Variants in CYP7B1 observed in about 807,000 individuals in gnomAD.
The protein encoded by CYP7B1 is cytochrome P450 7B1.
CYP7B1 carries 29 observed loss-of-function variants against 42.7 expected under a neutral mutation model. The ratio of observed to expected loss-of-function variants is 0.68; its 90% confidence interval spans 0.51 to 0.93. CYP7B1 has a LOEUF of 0.93. Among genes scored for constraint, CYP7B1 ranks in the 40% least tolerant of loss-of-function variants. The probability of loss-of-function intolerance (pLI) is 0.00; values close to 1 mark genes in which losing one functional copy is unlikely to be tolerated. For missense variants in CYP7B1, 655 were observed against 600.5 expected (o/e 1.09, Z -0.95); for synonymous variants, 235 against 218.2 (o/e 1.08, Z -0.68).
intron 1 of CYP7B1, among the ~76,000 whole-genome samples, chr8:64,795,918 T>C (rs76976881): frequency 0.041 from 6,307 of 152,308 alleles, 433 homozygotes; most frequent in African/African-American, 0.14. Context: ...AATTGGTAAG[T>C]GTCTGAAGGG....
intron 1 of CYP7B1, among the ~76,000 whole-genome samples, chr8:64,795,923 G>A (rs569341983): frequency 2.3e-4 from 35 of 152,316 alleles, no homozygotes; most frequent in African/African-American, 8.2e-4. Context: ...GTAAGTGTCT[G>A]AAGGGAACAA....
intron 1 of CYP7B1, among the ~76,000 whole-genome samples, chr8:64,676,335 T>C (rs1420944154): frequency 6.6e-6 from 1 of 152,114 alleles, no homozygotes; most frequent in African/African-American, 2.4e-5. Context: ...ATCTTACGCG[T>C]TAGCACACCC....
intron 1 of CYP7B1, among the ~76,000 whole-genome samples, chr8:64,638,487 AT>A (rs2129630916): frequency 6.6e-6 from 1 of 152,238 alleles, no homozygotes; most frequent in South Asian, 2.1e-4. Context: ...ATTTTTCTTT[AT>A]AGTTTTTTGG....
chr8:64,732,649 C>T (rs568933099), intron 1 of CYP7B1, among the ~76,000 whole-genome samples: 9 of 152,118 alleles, frequency 5.9e-5, no homozygotes, highest in East Asian at 3.9e-4. Context: ...TGTGAGGGGC[C>T]GGGGACAGAA....
chr8:64,686,250 G>A (rs1162795379), intron 1 of CYP7B1, among the ~76,000 whole-genome samples: 1 of 53,796 alleles, frequency 1.9e-5, no homozygotes, highest in Non-Finnish European at 4.2e-5. Flanking sequence ...CCCCCCGCCC[G>A]GCCAGCCGCC....
intron 1 of CYP7B1, among the ~76,000 whole-genome samples, chr8:64,648,786 T>A (rs113422657): frequency 6.6e-5 from 10 of 152,304 alleles, no homozygotes; most frequent in African/African-American, 2.4e-4. Context: ...AAATGCATAT[T>A]GTAATTTCTG....
At chr8:64,715,804 C>G (rs1343262236) in intron 1 of CYP7B1, among the ~76,000 whole-genome samples, 1 of 152,166 alleles carries the variant, frequency 6.6e-6, no homozygotes, top group African/African-American at 2.4e-5. Context: ...TCTTTTAGTT[C>G]TTAACACGGA....
At position 64,702,686 on chromosome 8, in the gene CYP7B1, G is replaced by T. The variant is rs190790318; in HGVS notation, c.123-78147C>A. 1.1e-4 allele frequency among the ~76,000 whole-genome samples: 17 copies of T among 152,162 alleles called. No homozygotes were observed. In the East Asian group the frequency reaches 3.3e-3, roughly 29 times the overall value. ...GCGCTTCATTCCAGCAATAAACAGC[G>T]GTGGTGCTGATAACTGTTCATTGGC... On this transcript the variant is annotated intron_variant, in intron 1 of 5. Coordinates refer to ENST00000310193, the MANE Select transcript of CYP7B1 (RefSeq NM_004820.5).
At chr8:64,771,609 G>A (rs897257657) in intron 1 of CYP7B1, among the ~76,000 whole-genome samples, 5 of 152,160 alleles carry the variant, frequency 3.3e-5, no homozygotes, top group African/African-American at 1.2e-4. Flanking sequence ...AGGTGCAGGG[G>A]TCAATGCCCT....
At chr8:64,737,980 C>T (rs1318698175) in intron 1 of CYP7B1, among the ~76,000 whole-genome samples, 1 of 152,148 alleles carries the variant, frequency 6.6e-6, no homozygotes, top group Non-Finnish European at 1.5e-5. Flanking sequence ...GTTTGTTAGT[C>T]TTTTTGCTTT....
intron 1 of CYP7B1, among the ~76,000 whole-genome samples, chr8:64,643,615 G>A (rs566109116): frequency 6.6e-6 from 1 of 152,240 alleles, no homozygotes; most frequent in South Asian, 2.1e-4. Context: ...TTCCTTTCAT[G>A]AAAGATTTCT....
At chr8:64,771,427 G>C (rs1804226470) in intron 1 of CYP7B1, among the ~76,000 whole-genome samples, 1 of 151,746 alleles carries the variant, frequency 6.6e-6, no homozygotes, top group South Asian at 2.1e-4. Flanking sequence ...GAGTTGTTTG[G>C]AGTCTACACG....
intron 1 of CYP7B1, among the ~76,000 whole-genome samples, chr8:64,788,003 C>T (rs1424126910): frequency 6.6e-6 from 1 of 152,106 alleles, no homozygotes; most frequent in Non-Finnish European, 1.5e-5. Flanking sequence ...ATGAGGGAAA[C>T]CAGCCCCAAG....
intron 1 of CYP7B1, among the ~76,000 whole-genome samples, chr8:64,777,572 A>C (rs1230114603): frequency 6.6e-6 from 1 of 152,124 alleles, no homozygotes; most frequent in Non-Finnish European, 1.5e-5. Flanking sequence ...CAAAAGAAAC[A>C]GCCCGAATCA....
chr8:64,684,956 A>C (rs1806597202), intron 1 of CYP7B1, among the ~76,000 whole-genome samples: 1 of 152,246 alleles, frequency 6.6e-6, no homozygotes, highest in Non-Finnish European at 1.5e-5. Context: ...ATATGGAGAA[A>C]TCAGAGCCTT....
intron 4 of CYP7B1, among the ~76,000 whole-genome samples, chr8:64,610,352 C>T (rs966734769): frequency 7.2e-5 from 11 of 152,148 alleles, no homozygotes; most frequent in African/African-American, 2.7e-4. Context: ...ATGCTTCACC[C>T]ACTTCCTCCA....
chr8:64,615,468 G>T (rs1381501760), intron 3 of CYP7B1, among the ~76,000 whole-genome samples: 1 of 149,894 alleles, frequency 6.7e-6, no homozygotes, highest in Non-Finnish European at 1.5e-5. Context: ...ATGCAGCTTA[G>T]TTATACTCTT....
chr8:64,627,170 G>A (rs1056825779), intron 1 of CYP7B1, among the ~76,000 whole-genome samples: 2 of 152,184 alleles, frequency 1.3e-5, no homozygotes, highest in African/African-American at 4.8e-5. Flanking sequence ...AAGAAACACT[G>A]CATAGAGATG....
chr8:64,702,661 G>C (rs1336849121), intron 1 of CYP7B1, among the ~76,000 whole-genome samples: 1 of 152,054 alleles, frequency 6.6e-6, no homozygotes, highest in Non-Finnish European at 1.5e-5. Context: ...ACTGACAAGC[G>C]CGCTTCATTC....
Sources: gnomAD v4.1 joint callset for allele counts (sites outside exome capture counted in the v4.1 genomes callset) on GRCh38, gnomAD v4.1.1 for gene constraint, MANE v1.5 for transcripts, NCBI Gene and HGNC (gene_info 2026-07-23, HGNC 2026-07-21) for gene names.